UBASH3A: variants seen among roughly 807,000 people sequenced by gnomAD.
UBASH3A encodes the protein ubiquitin-associated and SH3 domain-containing protein A.
In UBASH3A, 63 loss-of-function variants were observed where a neutral mutation model predicts 73.5. The ratio of observed to expected loss-of-function variants is 0.86; its 90% CI spans 0.70 to 1.06. UBASH3A has a LOEUF of 1.06. Ranked by LOEUF, UBASH3A falls within the 50% of genes least tolerant of loss-of-function variation. The pLI, the probability that UBASH3A is intolerant of heterozygous loss-of-function variation, is 0.00. For missense variants in UBASH3A, 860 were observed against 859.0 expected (o/e 1.00, Z -0.02); for synonymous variants, 363 against 351.1 (o/e 1.03, Z -0.38).
chr21:42,410,674 T>C (rs1209959751), intron 3 of UBASH3A: 1 of 157,922 alleles, frequency 6.3e-6, no homozygotes, highest in African/African-American at 2.4e-5. Context: ...GTTCACCCTC[T>C]GGAGCCAACG....
chr21:42,418,172 G>A (rs538287093), intron 6 of UBASH3A, among the ~76,000 whole-genome samples: 7 of 152,118 alleles, frequency 4.6e-5, no homozygotes, highest in Admixed American at 2.0e-4. Context: ...GTGAGCCACC[G>A]CGCCTGGCCC....
intron 2 of UBASH3A, among the ~76,000 whole-genome samples, chr21:42,407,748 C>T (rs986140360): frequency 6.6e-6 from 1 of 152,216 alleles, no homozygotes; most frequent in Non-Finnish European, 1.5e-5. Context: ...CTCCGTCGTG[C>T]GTCTAAGCAG....
chr21:42,440,671 G>A (rs564651129), intron 11 of UBASH3A, among the ~76,000 whole-genome samples: 9 of 152,340 alleles, frequency 5.9e-5, no homozygotes, highest in East Asian at 3.9e-4. Context: ...TCCCCAGGTC[G>A]CCTGTGCCTG....
intron 11 of UBASH3A, 106 bp downstream of exon 11, chr21:42,437,686 T>A: frequency 1.0e-6 from 1 of 1,000,390 alleles, no homozygotes; most frequent in Non-Finnish European, 1.5e-6. Context: ...TGGCAATGAA[T>A]GCCCACACCA....
intron 13 of UBASH3A, among the ~76,000 whole-genome samples, chr21:42,443,888 ATCC>A (rs2053797942): frequency 6.6e-6 from 1 of 152,244 alleles, no homozygotes; most frequent in Non-Finnish European, 1.5e-5. Context: ...GGGTCACACA[ATCC>A]ACCCATGTCC....
At chr21:42,439,839 CACA>C (rs1444042937) in intron 11 of UBASH3A, among the ~76,000 whole-genome samples, 1 of 146,414 alleles carries the variant, frequency 6.8e-6, no homozygotes, top group African/African-American at 2.5e-5. Context: ...CACACCCACA[CACA>C]ACACACAACA....
At chr21:42,410,290 G>T (rs372078322) in intron 3 of UBASH3A, 4 of 632,336 alleles carry the variant, frequency 6.3e-6, no homozygotes, top group Admixed American at 2.5e-5. Context: ...ACTCAGCTCC[G>T]CCAGAGGGGC....
chr21:42,410,416 T>C, intron 3 of UBASH3A: 1 of 533,054 alleles, frequency 1.9e-6, no homozygotes, highest in Non-Finnish European at 3.3e-6. Flanking sequence ...GAACCCTCCA[T>C]TCCAACACCA....
chr21:42,431,073 G>A (rs918531382), intron 8 of UBASH3A, among the ~76,000 whole-genome samples: 1 of 152,194 alleles, frequency 6.6e-6, no homozygotes, highest in African/African-American at 2.4e-5. Flanking sequence ...GCCTCTAGCT[G>A]GCTCGGCCCC....
chr21:42,431,109 G>A (rs922005085), intron 8 of UBASH3A, among the ~76,000 whole-genome samples: 3 of 152,200 alleles, frequency 2.0e-5, no homozygotes, highest in Non-Finnish European at 4.4e-5. Flanking sequence ...TGGTCCCAGG[G>A]GGGGCATCCT....
intron 1 of UBASH3A, among the ~76,000 whole-genome samples, chr21:42,405,631 G>A (rs571400162): frequency 6.6e-5 from 10 of 152,288 alleles, no homozygotes; most frequent in South Asian, 4.1e-4. Context: ...ATGGACGCCC[G>A]CTGTTTCCAG....
rs1362436586 is a variant in UBASH3A at position 42,413,090 on chromosome 21, T to A, written c.421T>A (p.Ser141Thr). ...LKRAGDRLLGSFPTAVPLALH... is the reference protein window; with the variant it reads ...LKRAGDRLLGTFPTAVPLALH... Reference sequence around the variant, plus strand: ...GAGAGCTGGAGACAGGCTCCTGGGCTCCTTCCCCACGGCCGTGCCTCTGGC... The same window carrying A: ...GAGAGCTGGAGACAGGCTCCTGGGCACCTTCCCCACGGCCGTGCCTCTGGC... Residue 141 changes from serine to threonine, a missense_variant, in exon 4 of 15, where the codon TCC becomes ACC. By Grantham distance (58) the Ser-to-Thr change is moderately conservative (BLOSUM62 1). Coordinates refer to ENST00000319294, the MANE Select transcript of UBASH3A (RefSeq NM_018961.4). This position sits in a 1 kb window ranked among gnomAD's most constrained non-coding sequence, Gnocchi z 4.5. 6.2e-7 allele frequency: 1 copy of A among 1,614,178 alleles called. No homozygotes were observed. Among genetic ancestry groups the A allele is most frequent in the Admixed American group, 1.7e-5 (1 of 60,014 alleles).
chr21:42,427,290 A>G (rs944235863), intron 8 of UBASH3A, among the ~76,000 whole-genome samples: 4 of 152,246 alleles, frequency 2.6e-5, no homozygotes, highest in African/African-American at 9.6e-5. Flanking sequence ...AGGCAGGGAC[A>G]CCAAGGAGCA....
chr21:42,428,085 G>T (rs1411889322), intron 8 of UBASH3A, among the ~76,000 whole-genome samples: 1 of 152,142 alleles, frequency 6.6e-6, no homozygotes, highest in South Asian at 2.1e-4. Context: ...ACACAAGAGG[G>T]ATGGCCCTGT....
rs2053066662 is a variant in UBASH3A, at chr21:42,410,401, C to T, written c.354+793C>T. ...CCATTTCAAGGAATTCCATCAGGGC[C>T]CAAGGAACCCTCCATTCCAACACCA... On this transcript the variant is annotated intron_variant, in intron 3 of 14. Transcript: ENST00000319294. The T allele has an allele frequency of 2.0e-5, 11 of 547,712 alleles. No individual in the cohort carries two copies. In the East Asian group the frequency reaches 3.2e-4, roughly 16 times the overall value. 33.9% of individuals were successfully genotyped at this position (547,712 alleles called of 1,614,324 possible). A position where few individuals can be genotyped will look rare whatever the true frequency, so the allele number is the denominator to read the frequency against.
chr21:42,446,770 T>G (rs1233074696), intron 14 of UBASH3A, among the ~76,000 whole-genome samples: 5 of 152,234 alleles, frequency 3.3e-5, no homozygotes, highest in South Asian at 2.1e-4. Flanking sequence ...CATTGTAGGA[T>G]GTACCACCTT....
intron 2 of UBASH3A, among the ~76,000 whole-genome samples, chr21:42,406,974 G>T (rs546183277): frequency 6.6e-6 from 1 of 152,176 alleles, no homozygotes; most frequent in Non-Finnish European, 1.5e-5. Flanking sequence ...CTCTCGGGCT[G>T]CCTCTGAGGG....
intron 10 of UBASH3A, 119 bp from the exon 11 acceptor site, chr21:42,437,369 G>C (rs2053643302): frequency 1.2e-6 from 1 of 801,976 alleles, no homozygotes. Flanking sequence ...TGTCACACCA[G>C]GGGGTGGAAA....
chr21:42,434,774 G>A (rs2053596836), intron 9 of UBASH3A, 58 bp from the exon 10 acceptor site: 2 of 1,551,862 alleles, frequency 1.3e-6, no homozygotes, highest in South Asian at 1.2e-5. Flanking sequence ...GGAGTTTTGT[G>A]GAACAAATCT....
Sources: allele counts gnomAD v4.1 joint callset (sites outside exome capture counted in the v4.1 genomes callset), GRCh38; gene constraint gnomAD v4.1.1; non-coding constraint Gnocchi (gnomAD v3.1); transcripts MANE v1.5; gene names NCBI Gene and HGNC (gene_info 2026-07-23, HGNC 2026-07-21).